Variants in SCFD2 observed in about 807,000 individuals in gnomAD.
SCFD2 encodes sec1 family domain-containing protein 2.
In SCFD2, 54 loss-of-function variants were observed where a neutral mutation model predicts 58.9. That is an observed-to-expected ratio of 0.92 (90% CI 0.74 to 1.15). The LOEUF (loss-of-function observed/expected upper bound fraction) is 1.15. Ranked by LOEUF, SCFD2 falls within the 50% of genes most tolerant of loss-of-function variation. The probability of loss-of-function intolerance (pLI) is 0.00; values close to 1 mark genes in which losing one functional copy is unlikely to be tolerated. For missense variants in SCFD2, 805 were observed against 836.6 expected (o/e 0.96, Z 0.47); for synonymous variants, 321 against 335.9 (o/e 0.96, Z 0.49).
At chr4:52,906,814 G>A (rs1311496433) in intron 7 of SCFD2, among the ~76,000 whole-genome samples, 1 of 152,158 alleles carries the variant, frequency 6.6e-6, no homozygotes, top group Non-Finnish European at 1.5e-5. Flanking sequence ...ATCCTGGCAT[G>A]GACTGAGAGG....
At chr4:53,144,533 A>G (rs1726264566) in intron 5 of SCFD2, among the ~76,000 whole-genome samples, 1 of 147,846 alleles carries the variant, frequency 6.8e-6, no homozygotes, top group Non-Finnish European at 1.5e-5. Flanking sequence ...TGGAATATAT[A>G]TATTTTTTAT....
At chr4:53,131,271 G>T (rs1358199135) in intron 5 of SCFD2, among the ~76,000 whole-genome samples, 1 of 152,178 alleles carries the variant, frequency 6.6e-6, no homozygotes, top group Non-Finnish European at 1.5e-5. Context: ...TGTTGCCTGG[G>T]ATCAGTATGC....
intron 4 of SCFD2, among the ~76,000 whole-genome samples, chr4:53,156,053 T>A (rs1041209290): frequency 6.6e-6 from 1 of 152,178 alleles, no homozygotes; most frequent in African/African-American, 2.4e-5. Flanking sequence ...CTATATATAC[T>A]CACAGCTGAA....
At chr4:53,089,576 A>C (rs1724413244) in intron 5 of SCFD2, among the ~76,000 whole-genome samples, 1 of 152,180 alleles carries the variant, frequency 6.6e-6, no homozygotes, top group South Asian at 2.1e-4. Flanking sequence ...TTTGTAAAAG[A>C]GACAAATAAC....
At chr4:53,211,370 G>A (rs1420569067) in intron 4 of SCFD2, among the ~76,000 whole-genome samples, 13 of 152,112 alleles carry the variant, frequency 8.5e-5, no homozygotes, top group South Asian at 8.3e-4. Context: ...CATACCTTGC[G>A]TTACACATCT....
chr4:52,989,978 A>G (rs1303462840), intron 5 of SCFD2, among the ~76,000 whole-genome samples: 3 of 152,102 alleles, frequency 2.0e-5, no homozygotes, highest in Non-Finnish European at 4.4e-5. Flanking sequence ...GCCTCCTTCA[A>G]CTTTTCCTCA....
intron 3 of SCFD2, among the ~76,000 whole-genome samples, chr4:53,303,852 A>C (rs1443248934): frequency 1.3e-5 from 2 of 151,114 alleles, no homozygotes; most frequent in East Asian, 3.9e-4. Context: ...TATCGCAAGG[A>C]CAAAAAACCA....
chr4:52,991,611 C>T (rs1032437157), intron 5 of SCFD2, among the ~76,000 whole-genome samples: 1 of 152,150 alleles, frequency 6.6e-6, no homozygotes, highest in African/African-American at 2.4e-5. Context: ...GGATTAAGGG[C>T]CTGGTTACTA....
At chr4:52,902,553 C>A (rs758376092) in intron 7 of SCFD2, among the ~76,000 whole-genome samples, 6 of 152,190 alleles carry the variant, frequency 3.9e-5, no homozygotes, top group Non-Finnish European at 7.3e-5. Flanking sequence ...TGGCTATGTA[C>A]AGGCATACAA....
At chr4:53,196,920 T>C (rs1174579406) in intron 4 of SCFD2, among the ~76,000 whole-genome samples, 1 of 152,160 alleles carries the variant, frequency 6.6e-6, no homozygotes, top group Non-Finnish European at 1.5e-5. Context: ...TGAATCGATA[T>C]ACTTTACCAC....
intron 6 of SCFD2, among the ~76,000 whole-genome samples, chr4:52,914,963 C>G (rs941979473): frequency 6.6e-6 from 1 of 152,052 alleles, no homozygotes; most frequent in Non-Finnish European, 1.5e-5. Flanking sequence ...AAAAATACCA[C>G]ATTTAAGTAA....
At chr4:53,126,813 T>TC in intron 5 of SCFD2, among the ~76,000 whole-genome samples, 1 of 152,182 alleles carries the variant, frequency 6.6e-6, no homozygotes, top group African/African-American at 2.4e-5. Flanking sequence ...CTCCTCTTTC[T>TC]CCCTGAGTTC....
intron 4 of SCFD2, among the ~76,000 whole-genome samples, chr4:53,176,094 G>A (rs1040927812): frequency 3.3e-5 from 5 of 152,078 alleles, no homozygotes; most frequent in African/African-American, 1.2e-4. Context: ...TTGAGAAAGT[G>A]TTCTCAATGT....
chr4:52,884,941 C>T (rs1718699714), intron 8 of SCFD2, among the ~76,000 whole-genome samples: 1 of 152,206 alleles, frequency 6.6e-6, no homozygotes, highest in African/African-American at 2.4e-5. Context: ...ATTTAAGATT[C>T]ACAGCCACCC....
At chr4:53,043,808 A>T (rs912122648) in intron 5 of SCFD2, among the ~76,000 whole-genome samples, 2 of 151,912 alleles carry the variant, frequency 1.3e-5, no homozygotes, top group Non-Finnish European at 2.9e-5. Flanking sequence ...ATATTCTTTT[A>T]AAATAAACAC....
chr4:53,237,960 C>A (rs1402728734), intron 4 of SCFD2, among the ~76,000 whole-genome samples: 2 of 116,840 alleles, frequency 1.7e-5, no homozygotes, highest in Non-Finnish European at 1.9e-5. Context: ...AGGGGCTGAC[C>A]CCCCCACCTC....
intron 4 of SCFD2, among the ~76,000 whole-genome samples, chr4:53,218,652 A>G (rs576187330): frequency 2.6e-5 from 4 of 152,234 alleles, no homozygotes; most frequent in Non-Finnish European, 4.4e-5. Context: ...CGTCAAAGAC[A>G]TTCTCCGTCC....
At chr4:53,248,951 C>A (rs578131705) in intron 4 of SCFD2, among the ~76,000 whole-genome samples, 1 of 152,158 alleles carries the variant, frequency 6.6e-6, no homozygotes, top group African/African-American at 2.4e-5. Context: ...CAAAGCTGGA[C>A]GGAGAATGAC....
chr4:53,236,207 CCTCT>C (rs1189690477), intron 4 of SCFD2, among the ~76,000 whole-genome samples: 8 of 152,088 alleles, frequency 5.3e-5, no homozygotes, highest in Admixed American at 3.9e-4. Flanking sequence ...ACGGGCCTAG[CCTCT>C]CAGCCTACAT....
Sources: allele counts gnomAD v4.1 joint callset (sites outside exome capture counted in the v4.1 genomes callset), GRCh38; gene constraint gnomAD v4.1.1; transcripts MANE v1.5; gene names NCBI Gene and HGNC (gene_info 2026-07-23, HGNC 2026-07-21).